The following KIF1A variants were observed in gnomAD, a reference collection of about 807,000 sequenced individuals.
The protein encoded by KIF1A is kinesin family member 1A.
A neutral mutation model predicts 227.3 loss-of-function variants in KIF1A; 46 were observed. That is an observed-to-expected ratio of 0.20 (90% confidence interval 0.16 to 0.26). KIF1A has a LOEUF of 0.26. Ranked by LOEUF, KIF1A falls within the 10% of genes least tolerant of loss-of-function variation. The pLI is 1.00. For synonymous variants in KIF1A, 1,022 were observed against 1,012.8 expected (o/e 1.01, Z -0.17); for missense variants, 1,683 against 2,485.9 (o/e 0.68, Z 6.87).
intron 27 of KIF1A, among the ~76,000 whole-genome samples, chr2:240,750,947 G>A (rs953473811): frequency 6.6e-6 from 1 of 152,142 alleles, no homozygotes; most frequent in Admixed American, 6.5e-5. Context: ...GCATCGCTCT[G>A]CCTCCTGCCC....
chr2:240,785,237 G>T, intron 6 of KIF1A, 137 bp from the exon 7 acceptor site: 1 of 684,288 alleles, frequency 1.5e-6, no homozygotes, highest in Non-Finnish European at 2.5e-6. Context: ...TGCTGGGCCT[G>T]GCACTGATGG....
Position 240,775,994 on chromosome 2 carries a change from C to A in KIF1A, c.883-68G>T. The A allele has an allele frequency of 9.1e-7, 1 of 1,099,178 alleles. No individual in the cohort carries two copies. The highest frequency in any genetic ancestry group is 2.4e-5 in the East Asian group (1 of 41,874). 68.1% of individuals were successfully genotyped at this position (1,099,178 alleles called of 1,614,324 possible). A position where few individuals can be genotyped will look rare whatever the true frequency, so the allele number is the denominator to read the frequency against. On this transcript the variant is annotated intron_variant, in intron 10 of 48. Coordinates refer to ENST00000498729, the MANE Select transcript of KIF1A (RefSeq NM_001244008.2). This position sits in a 1 kb window ranked among gnomAD's most constrained non-coding sequence, Gnocchi z 5.5. ...AGAGGAAGCGAAAGGGAGGGGCCAG[C>A]GCAGGCCCTGCCAAGTGGGTCCTCA...
At chr2:240,804,242 G>A (rs2057205698) in intron 1 of KIF1A, among the ~76,000 whole-genome samples, 2 of 152,158 alleles carry the variant, frequency 1.3e-5, no homozygotes, top group Admixed American at 1.3e-4. Context: ...CTCCAGCCTG[G>A]GTGACAGAGC....
At position 240,723,429 on chromosome 2, in the gene KIF1A, A is replaced by G; in HGVS notation, c.4448T>C (p.Leu1483Pro). The change falls in exon 42 of 49, where the codon CTG (leucine) becomes CCG (proline). Residue 1483 changes from leucine (L) to proline (P), a missense_variant. By Grantham distance (98) the Leu-to-Pro change is moderately conservative. This residue lies in a region of KIF1A where 759 missense variants were observed against 1,020.2 expected (regional missense o/e 0.74). Coordinates refer to ENST00000498729, the MANE Select transcript of KIF1A (RefSeq NM_001244008.2). ...ILDHQWELEK[L>P]SLLQEVEKTR... is the part of the protein sequence containing the mutation. Reference sequence around the variant, plus strand: ...CTGCCTCACCTCCTGCAGGAGGCTCAGCTTCTCCAGCTCCCACTGGTGGTC... The same window carrying G: ...CTGCCTCACCTCCTGCAGGAGGCTCGGCTTCTCCAGCTCCCACTGGTGGTC... 6.5e-7 allele frequency: 1 copy of G among 1,549,742 alleles called. No homozygotes were observed. The highest frequency in any genetic ancestry group is 8.7e-7 in the Non-Finnish European group (1 of 1,146,338).
At chr2:240,806,165 C>A (rs757023302) in intron 1 of KIF1A, among the ~76,000 whole-genome samples, 33 of 152,334 alleles carry the variant, frequency 2.2e-4, no homozygotes, top group Non-Finnish European at 3.8e-4. Context: ...AAGGTAGGAC[C>A]CAAGCGCCTT....
At chr2:240,813,269 G>A (rs557453814) in intron 1 of KIF1A, among the ~76,000 whole-genome samples, 34 of 152,374 alleles carry the variant, frequency 2.2e-4, no homozygotes, top group South Asian at 6.2e-4. Context: ...CACACTGGTT[G>A]CTCTGAGACC....
In KIF1A at chr2:240,775,823, G is replaced by A. The variant is rs776578708; in HGVS notation, c.958+28C>T. The A allele has an allele frequency of 7.3e-6, 11 of 1,507,628 alleles. No homozygotes were observed. In the East Asian group the frequency reaches 2.3e-4, roughly 31 times the overall value. 93.4% of individuals were successfully genotyped at this position (1,507,628 alleles called of 1,614,324 possible). A position where few individuals can be genotyped will look rare whatever the true frequency, so the allele number is the denominator to read the frequency against. On this transcript the variant is annotated intron_variant, in intron 11 of 48. Coordinates refer to ENST00000498729, the MANE Select transcript of KIF1A (RefSeq NM_001244008.2). This position sits in a 1 kb window ranked among gnomAD's most constrained non-coding sequence, Gnocchi z 5.5. ...CAGCCCAGGGTGGGATCAGAGCCCT[G>A]GGGACAGGCAAACCCACAAGTTCTC...
At chr2:240,742,408 T>A (rs1266028912) in intron 34 of KIF1A, among the ~76,000 whole-genome samples, 1 of 152,068 alleles carries the variant, frequency 6.6e-6, no homozygotes, top group Non-Finnish European at 1.5e-5. Flanking sequence ...TGTCCCTGGG[T>A]TTTGGTCTTG....
chr2:240,786,548 AGGC>A (rs777552490), intron 5 of KIF1A, 35 bp from the exon 6 acceptor site: 1 of 1,598,506 alleles, frequency 6.3e-7, no homozygotes, highest in East Asian at 2.2e-5. Flanking sequence ...GGGGCCCCTG[AGGC>A]GAGGGAGTGG....
intron 15 of KIF1A, among the ~76,000 whole-genome samples, 199 bp from the exon 16 acceptor site, chr2:240,769,905 G>A (rs1228233593): frequency 6.6e-6 from 1 of 152,234 alleles, no homozygotes; most frequent in African/African-American, 2.4e-5. Context: ...CAGGAGAATG[G>A]AGAAAACGCA....
chr2:240,724,234 A>T (rs901976095), intron 40 of KIF1A, 198 bp from the exon 41 acceptor site: 18 of 622,074 alleles, frequency 2.9e-5, no homozygotes, highest in Non-Finnish European at 5.0e-5. Flanking sequence ...GAAAAGATGC[A>T]TTGGCTGGTC....
Position 240,797,798 on chromosome 2 carries a change from G to C in KIF1A, c.-46C>G, listed in dbSNP as rs765795904. On this transcript the variant is annotated 5_prime_UTR_variant, in exon 2 of 49. Coordinates refer to ENST00000498729, the MANE Select transcript of KIF1A (RefSeq NM_001244008.2). ...ACTCCTCGCAGTAGTGGGAGCCCCA[G>C]TGTGGGGGGAACACCTTGGAAAAAA... 4.8e-6 allele frequency: 6 copies of C among 1,238,030 alleles called. No individual in the cohort carries two copies. The highest frequency in any genetic ancestry group is 3.8e-5 in the South Asian group (3 of 79,438). 76.7% of individuals were successfully genotyped at this position (1,238,030 alleles called of 1,614,324 possible). A position where few individuals can be genotyped will look rare whatever the true frequency, so the allele number is the denominator to read the frequency against.
At chr2:240,722,408 C>A (rs1194202653) in intron 43 of KIF1A, 48 bp downstream of exon 43, 35 of 1,521,136 alleles carry the variant, frequency 2.3e-5, no homozygotes, top group Non-Finnish European at 3.1e-5. Context: ...GACTCAGGGC[C>A]CTTGAGGGCC....
intron 1 of KIF1A, among the ~76,000 whole-genome samples, chr2:240,814,197 C>T (rs1413135346): frequency 1.3e-5 from 2 of 151,762 alleles, no homozygotes; most frequent in African/African-American, 4.8e-5. Context: ...GTGTGAAGGG[C>T]CCACCGAGTG....
intron 32 of KIF1A, among the ~76,000 whole-genome samples, chr2:240,744,644 C>T (rs1042089795): frequency 1.3e-5 from 2 of 152,202 alleles, no homozygotes; most frequent in Non-Finnish European, 2.9e-5. Context: ...GAAGAGGCGG[C>T]TGTTCTATAA....
chr2:240,788,037 C>A lies in KIF1A; in HGVS notation c.363+14G>T. 2 of 1,496,088 alleles carry A rather than the reference C, an allele frequency of 1.3e-6. No homozygotes were observed. Among genetic ancestry groups the A allele is most frequent in the South Asian group, 2.4e-5 (2 of 83,116 alleles). 92.7% of individuals were successfully genotyped at this position (1,496,088 alleles called of 1,614,324 possible). A position where few individuals can be genotyped will look rare whatever the true frequency, so the allele number is the denominator to read the frequency against. Reference sequence around the variant, plus strand: ...ATCTGCCAGGGCTGCCCCCGCCCGCCCCCCGCTTCGTGCCTGTGGGATGAT... The same window carrying A: ...ATCTGCCAGGGCTGCCCCCGCCCGCACCCCGCTTCGTGCCTGTGGGATGAT... On this transcript the variant is annotated intron_variant, in intron 4 of 48. Transcript: ENST00000498729. The surrounding 1 kb of genome is among the most constrained non-coding windows in gnomAD (Gnocchi z 6.6).
intron 37 of KIF1A, among the ~76,000 whole-genome samples, chr2:240,738,647 G>A (rs2047621909): frequency 6.6e-6 from 1 of 152,202 alleles, no homozygotes; most frequent in South Asian, 2.1e-4. Context: ...GAGCATTGGG[G>A]TTCATACCAT....
chr2:240,775,080 C>G lies in KIF1A; in HGVS notation c.958+771G>C, dbSNP rs2052565125. Among the ~76,000 whole-genome samples the G allele has an allele frequency of 6.6e-6, 1 of 152,192 alleles. No individual in the cohort carries two copies. ...GAGCAGGCGGCTCCTTCCCAGCCCA[C>G]GTCTCAGGTGAAGGAACACACTCTC... On this transcript the variant is annotated intron_variant, in intron 11 of 48. Coordinates refer to ENST00000498729, the MANE Select transcript of KIF1A (RefSeq NM_001244008.2). This position sits in a 1 kb window ranked among gnomAD's most constrained non-coding sequence, Gnocchi z 5.5.
chr2:240,743,046 G>A (rs2048178070), intron 33 of KIF1A, 62 bp from the exon 34 acceptor site: 2 of 1,356,860 alleles, frequency 1.5e-6, no homozygotes, highest in South Asian at 1.4e-5. Context: ...GTCAGAAGGA[G>A]ACAGAAGGGC....
Sources: gnomAD v4.1 joint callset for allele counts (sites outside exome capture counted in the v4.1 genomes callset) on GRCh38, gnomAD v4.1.1 for gene constraint, gnomAD v4.1.1 regional missense constraint, Gnocchi (gnomAD v3.1) non-coding constraint, MANE v1.5 for transcripts, NCBI Gene and HGNC (gene_info 2026-07-23, HGNC 2026-07-21) for gene names.